The following RB1CC1 variants were observed in gnomAD, a reference collection of about 807,000 sequenced individuals.
RB1CC1 encodes RB1-inducible coiled-coil protein 1.
A neutral mutation model predicts 177.5 loss-of-function variants in RB1CC1; 46 were observed. The ratio of observed to expected loss-of-function variants is 0.26; its 90% CI spans 0.20 to 0.33. The LOEUF (loss-of-function observed/expected upper bound fraction) is 0.33, where lower values mean the gene tolerates loss of function less well. RB1CC1 is among the 10% of genes least tolerant of loss of function. The pLI is 1.00. For synonymous variants in RB1CC1, 666 were observed against 613.6 expected (o/e 1.09, Z -1.26); for missense variants, 1,703 against 1,816.3 (o/e 0.94, Z 1.13).
Position 52,661,513 on chromosome 8 carries a change from C to A in RB1CC1, c.1358+22G>T, listed in dbSNP as rs1221332750. 2.8e-5 allele frequency: 44 copies of A among 1,556,542 alleles called. No homozygotes were observed. In the South Asian group the frequency reaches 5.0e-4, roughly 18 times the overall value. The stretch of plus-strand genomic sequence containing the variant: ...AATACCAATTCTAAACATCTTAAAA[C>A]AGATATAAATGAATCACTTACTTCA... On this transcript the variant is annotated intron_variant, in intron 9 of 23. Coordinates refer to ENST00000025008, the MANE Select transcript of RB1CC1 (RefSeq NM_014781.5).
At position 52,703,524 on chromosome 8, in the gene RB1CC1, A is replaced by G. The variant is rs1196641952; in HGVS notation, c.-167+10551T>C. On this transcript the variant is annotated intron_variant, in intron 1 of 23. Transcript: ENST00000025008. ...GAGGTGCATGAATAAATGGATTTTCATGCCTCTACTCATGTCATTCCACAG... is the reference window on the plus strand; with the variant it reads ...GAGGTGCATGAATAAATGGATTTTCGTGCCTCTACTCATGTCATTCCACAG... 2.0e-5 allele frequency among the ~76,000 whole-genome samples: 3 copies of G among 152,192 alleles called. No individual in the cohort carries two copies. In the East Asian group the frequency reaches 5.8e-4, roughly 29 times the overall value.
chr8:52,682,629 A>T (rs530534914), intron 5 of RB1CC1, among the ~76,000 whole-genome samples: 1 of 152,126 alleles, frequency 6.6e-6, no homozygotes, highest in South Asian at 2.1e-4. Flanking sequence ...TATATATCCT[A>T]GTTATCCTTT....
intron 1 of RB1CC1, among the ~76,000 whole-genome samples, chr8:52,710,900 A>G (rs1330337494): frequency 1.3e-5 from 2 of 152,204 alleles, no homozygotes; most frequent in Admixed American, 1.3e-4. Flanking sequence ...GTAATATAAT[A>G]TGGTATTGAA....
At position 52,643,840 on chromosome 8, in the gene RB1CC1, C is replaced by T. The variant is rs181130426; in HGVS notation, c.3988-1028G>A. On this transcript the variant is annotated intron_variant, in intron 16 of 23. Transcript: ENST00000025008. ...TAATTCCAAAATTTTAAGAGCTCTA[C>T]GGTCCTTGGATCAATGAATAATGCT... 1.5e-3 allele frequency among the ~76,000 whole-genome samples: 233 copies of T among 151,982 alleles called. 1 individual carries two copies. In the Middle Eastern group the frequency reaches 0.027, roughly 18 times the overall value.
chr8:52,636,843 G>A (rs1332837454), intron 18 of RB1CC1, among the ~76,000 whole-genome samples: 1 of 152,136 alleles, frequency 6.6e-6, no homozygotes, highest in Admixed American at 6.6e-5. Flanking sequence ...TGCTGAAAAA[G>A]CTATTTCCTT....
At chr8:52,713,651 T>C (rs1375093466) in intron 1 of RB1CC1, among the ~76,000 whole-genome samples, 1 of 152,224 alleles carries the variant, frequency 6.6e-6, no homozygotes, top group Non-Finnish European at 1.5e-5. Flanking sequence ...GGCTGATCCC[T>C]GGCAGCGATG....
intron 1 of RB1CC1, among the ~76,000 whole-genome samples, chr8:52,697,298 A>G (rs1591121490): frequency 6.7e-6 from 1 of 150,194 alleles, no homozygotes; most frequent in African/African-American, 2.4e-5. Flanking sequence ...TGGTTACTAA[A>G]AAAAAAAAAA....
At chr8:52,634,531 T>A (rs1219251888) in intron 20 of RB1CC1, among the ~76,000 whole-genome samples, 3 of 151,262 alleles carry the variant, frequency 2.0e-5, no homozygotes, top group Non-Finnish European at 4.4e-5. Context: ...AAAAAAAAAA[T>A]CATGAAAAGA....
At chr8:52,691,729 A>C (rs1298466031) in intron 1 of RB1CC1, among the ~76,000 whole-genome samples, 1 of 152,196 alleles carries the variant, frequency 6.6e-6, no homozygotes, top group Non-Finnish European at 1.5e-5. Context: ...ATCCTCACTA[A>C]CTGCCAGCTA....
rs11444516 is a variant in RB1CC1 at position 52,670,955 on chromosome 8, C to CAAAAAAA, written c.1003-2771_1003-2765dup. On this transcript the variant is annotated intron_variant, in intron 7 of 23. Coordinates refer to ENST00000025008, the MANE Select transcript of RB1CC1 (RefSeq NM_014781.5). ...TGGGTGACAGAGCGAGACTCCAACTCAAAAAAAAAAAAAGAGTCTTTTTAG... is the reference window on the plus strand; with the variant it reads ...TGGGTGACAGAGCGAGACTCCAACTCAAAAAAAAAAAAAAAAAAAAGAGTCTTTTTAG... Among the ~76,000 whole-genome samples, 3 of 128,090 alleles carry CAAAAAAA rather than the reference C, an allele frequency of 2.3e-5. No individual in the cohort carries two copies. In the Admixed American group the frequency reaches 2.5e-4, roughly 11 times the overall value. The allele number at this position is 128,090 out of a possible 152,430, so 84.0% of individuals were successfully genotyped here. A position where few individuals can be genotyped will look rare whatever the true frequency, so the allele number is the denominator to read the frequency against.
At chr8:52,696,995 C>T (rs1380366212) in intron 1 of RB1CC1, among the ~76,000 whole-genome samples, 2 of 151,686 alleles carry the variant, frequency 1.3e-5, no homozygotes, top group Admixed American at 6.6e-5. Context: ...GGAGAGAGAC[C>T]GTCTCAAAAC....
At chr8:52,691,241 T>C (rs1393833434) in intron 1 of RB1CC1, among the ~76,000 whole-genome samples, 3 of 152,300 alleles carry the variant, frequency 2.0e-5, no homozygotes, top group Middle Eastern at 3.4e-3. Context: ...CGTTAGAGTA[T>C]AGACGACCTC....
At chr8:52,623,916 TCA>T (rs113332634) in intron 23 of RB1CC1, 57 bp from the exon 24 acceptor site, 12,743 of 821,272 alleles carry the variant, frequency 0.016, 302 homozygotes, top group African/African-American at 0.1. Context: ...TCTCTCTCTC[TCA>T]CACACACACA....
chr8:52,660,891 T>C, intron 11 of RB1CC1, 35 bp downstream of exon 11: 1 of 1,548,804 alleles, frequency 6.5e-7, no homozygotes, highest in Non-Finnish European at 8.8e-7. Flanking sequence ...TTTTATCCTT[T>C]ACAAAAGTAA....
At chr8:52,653,175 C>T (rs189951226) in intron 15 of RB1CC1, among the ~76,000 whole-genome samples, 1 of 152,308 alleles carries the variant, frequency 6.6e-6, no homozygotes, top group African/African-American at 2.4e-5. Context: ...CCTCAGAGGT[C>T]CCAGAGAATA....
At chr8:52,648,610 G>A (rs74660186) in intron 15 of RB1CC1, among the ~76,000 whole-genome samples, 4,499 of 152,184 alleles carry the variant, frequency 0.03, 253 homozygotes, top group African/African-American at 0.1. Flanking sequence ...AATATGTTCC[G>A]AGACCCCCAG....
At chr8:52,632,720 GA>G (rs1172943606) in intron 20 of RB1CC1, among the ~76,000 whole-genome samples, 1 of 152,082 alleles carries the variant, frequency 6.6e-6, no homozygotes, top group East Asian at 1.9e-4. Flanking sequence ...AATCACTAAG[GA>G]AAAGGGAGGT....
At chr8:52,704,472 A>ACAAAAAAAAAAAAAAAAAAAAC (rs375374201) in intron 1 of RB1CC1, among the ~76,000 whole-genome samples, 1 of 139,760 alleles carries the variant, frequency 7.2e-6, no homozygotes, top group Non-Finnish European at 1.5e-5. Context: ...AAAAAAAAAA[A>ACAAAAAAAAAAAAAAAAAAAAC]AACACAAAAG....
Position 52,658,192 on chromosome 8 carries a change from T to A in RB1CC1, c.1794-68A>T, listed in dbSNP as rs963664594. 7.2e-5 allele frequency: 103 copies of A among 1,434,738 alleles called. No homozygotes were observed. In the Admixed American group the frequency reaches 2.2e-3, roughly 31 times the overall value. 88.9% of individuals were successfully genotyped at this position (1,434,738 alleles called of 1,614,324 possible). A position where few individuals can be genotyped will look rare whatever the true frequency, so the allele number is the denominator to read the frequency against. ...GAACTAGTAGATAACTGCTACCAAA[T>A]ATTTTAATATGTCAAAAATAACAAG... is the stretch of plus-strand genomic sequence containing the variant. On this transcript the variant is annotated intron_variant, in intron 13 of 23. Coordinates refer to ENST00000025008, the MANE Select transcript of RB1CC1 (RefSeq NM_014781.5).
Sources: allele counts gnomAD v4.1 joint callset (sites outside exome capture counted in the v4.1 genomes callset), GRCh38; gene constraint gnomAD v4.1.1; transcripts MANE v1.5; gene names NCBI Gene and HGNC (gene_info 2026-07-23, HGNC 2026-07-21).